Variants in ENOX1 observed in about 807,000 individuals in gnomAD.
ENOX1 encodes ecto-NOX disulfide-thiol exchanger 1.
A neutral mutation model predicts 82.5 loss-of-function variants in ENOX1; 42 were observed. The observed-to-expected ratio is 0.51, with a 90% CI of 0.40 to 0.66. ENOX1 has a LOEUF of 0.66. Ranked by LOEUF, ENOX1 falls within the 30% of genes least tolerant of loss-of-function variation. The pLI is 0.00. For synonymous variants in ENOX1, 271 were observed against 282.2 expected (o/e 0.96, Z 0.40); for missense variants, 608 against 811.6 (o/e 0.75, Z 3.05).
chr13:43,484,572 GCA>G (rs767146308), intron 2 of ENOX1, among the ~76,000 whole-genome samples: 64 of 152,254 alleles, frequency 4.2e-4, no homozygotes, highest in Admixed American at 2.7e-3. Context: ...AGAAAAAAAT[GCA>G]CAGATTGCTG....
At chr13:43,634,525 A>G (rs537112973) in intron 2 of ENOX1, among the ~76,000 whole-genome samples, 1 of 152,332 alleles carries the variant, frequency 6.6e-6, no homozygotes, top group East Asian at 1.9e-4. Context: ...GGAGCTCTGC[A>G]ACAATATATG....
intron 1 of ENOX1, among the ~76,000 whole-genome samples, chr13:43,742,052 A>T (rs1330617730): frequency 6.6e-6 from 1 of 152,220 alleles, no homozygotes; most frequent in African/African-American, 2.4e-5. Flanking sequence ...ACATTTTAAC[A>T]GAATTTCTAT....
chr13:43,452,887 T>A (rs906541364), intron 3 of ENOX1, among the ~76,000 whole-genome samples: 6 of 152,194 alleles, frequency 3.9e-5, no homozygotes, highest in Non-Finnish European at 8.8e-5. Context: ...ATTGCTGGGC[T>A]TTTGTTATTG....
At chr13:43,221,584 C>T (rs1211582502) in intron 16 of ENOX1, among the ~76,000 whole-genome samples, 3 of 152,002 alleles carry the variant, frequency 2.0e-5, no homozygotes, top group South Asian at 2.1e-4. Flanking sequence ...ACAAGAGAAC[C>T]GGGTGAATGA....
chr13:43,655,915 G>C (rs865975760), intron 2 of ENOX1, among the ~76,000 whole-genome samples: 1 of 152,136 alleles, frequency 6.6e-6, no homozygotes, highest in Non-Finnish European at 1.5e-5. Flanking sequence ...CCTGATTCGG[G>C]GATCTTAAGG....
intron 2 of ENOX1, among the ~76,000 whole-genome samples, chr13:43,611,722 T>C (rs1288163420): frequency 6.6e-6 from 1 of 152,248 alleles, no homozygotes; most frequent in Non-Finnish European, 1.5e-5. Context: ...AGTGAAATTA[T>C]ACAACACTTC....
At chr13:43,590,570 C>G (rs749019899) in intron 2 of ENOX1, among the ~76,000 whole-genome samples, 1 of 151,616 alleles carries the variant, frequency 6.6e-6, no homozygotes, top group Admixed American at 6.6e-5. Flanking sequence ...GTCAGGAGAT[C>G]GAGACCATTG....
At chr13:43,664,876 T>C (rs935363908) in intron 2 of ENOX1, among the ~76,000 whole-genome samples, 5 of 152,240 alleles carry the variant, frequency 3.3e-5, no homozygotes, top group Non-Finnish European at 7.3e-5. Context: ...AATGAATTTC[T>C]ACTTTCATTT....
chr13:43,362,156 T>TACAC (rs10531058), intron 5 of ENOX1, among the ~76,000 whole-genome samples: 8,733 of 145,714 alleles, frequency 0.06, 342 homozygotes, highest in African/African-American at 0.12. Context: ...TGCCCTGTAT[T>TACAC]ACACACACAC....
At chr13:43,287,911 C>T (rs1453982927) in intron 12 of ENOX1, among the ~76,000 whole-genome samples, 2 of 152,158 alleles carry the variant, frequency 1.3e-5, no homozygotes, top group Non-Finnish European at 2.9e-5. Flanking sequence ...TGGAGCCAAC[C>T]GTTCCTTCAA....
At chr13:43,697,587 G>C (rs2086703161) in intron 1 of ENOX1, among the ~76,000 whole-genome samples, 1 of 152,142 alleles carries the variant, frequency 6.6e-6, no homozygotes, top group Non-Finnish European at 1.5e-5. Context: ...GCCATATCAG[G>C]ACAGATCACC....
intron 1 of ENOX1, among the ~76,000 whole-genome samples, chr13:43,770,622 T>C (rs568834665): frequency 6.6e-6 from 1 of 152,122 alleles, no homozygotes; most frequent in South Asian, 2.1e-4. Flanking sequence ...AAATGGATTA[T>C]ATAATAGTAC....
At chr13:43,412,815 T>C (rs2054212846) in intron 4 of ENOX1, 30 bp downstream of exon 4, 1 of 1,612,064 alleles carries the variant, frequency 6.2e-7, no homozygotes, top group Admixed American at 1.7e-5. Context: ...AAATCCTTGT[T>C]TGTGTCCTGT....
At chr13:43,296,075 T>C (rs2046270460) in intron 12 of ENOX1, among the ~76,000 whole-genome samples, 1 of 152,176 alleles carries the variant, frequency 6.6e-6, no homozygotes, top group Admixed American at 6.5e-5. Flanking sequence ...CTCCAGGTCT[T>C]TGTCTATTCA....
At chr13:43,476,569 C>G (rs9525789) in intron 3 of ENOX1, among the ~76,000 whole-genome samples, 148,823 of 152,254 alleles carry the variant, frequency 0.98, 72,830 homozygotes, top group East Asian at 1. Context: ...AAGCTAAAGG[C>G]GGGAAATAAC....
intron 1 of ENOX1, among the ~76,000 whole-genome samples, chr13:43,748,262 TC>T (rs1015177634): frequency 3.9e-5 from 6 of 152,166 alleles, no homozygotes; most frequent in Non-Finnish European, 7.3e-5. Context: ...ACCAAAGATG[TC>T]CCTAGCACTA....
chr13:43,620,920 G>A (rs2082699529), intron 2 of ENOX1, among the ~76,000 whole-genome samples: 1 of 152,090 alleles, frequency 6.6e-6, no homozygotes, highest in Admixed American at 6.5e-5. Context: ...TTATAAACTT[G>A]GGAGCTCCAG....
rs1332579032 is a variant in ENOX1 at position 43,786,743 on chromosome 13, C to T, written c.-376G>A. The T allele has an allele frequency of 6.6e-6, 1 of 152,164 alleles. No homozygotes were observed. Among genetic ancestry groups the T allele is most frequent in the Non-Finnish European group, 1.5e-5 (1 of 68,076 alleles). The allele number at this position is 152,164 out of a possible 1,614,324, so 9.4% of individuals were successfully genotyped here. A position where few individuals can be genotyped will look rare whatever the true frequency, so the allele number is the denominator to read the frequency against. On this transcript the variant is annotated 5_prime_UTR_variant, in exon 1 of 17. Coordinates refer to ENST00000690772, the MANE Select transcript of ENOX1 (RefSeq NM_001347969.2). This position sits in a 1 kb window ranked among gnomAD's most constrained non-coding sequence, Gnocchi z 6.0. Reference sequence around the variant, plus strand: ...CTCCTCCTAGCCTCGGCGTCCTCCTCCTCCTTTGCTTCTCCCGGACTCTGT... The same window carrying T: ...CTCCTCCTAGCCTCGGCGTCCTCCTTCTCCTTTGCTTCTCCCGGACTCTGT...
At chr13:43,694,235 A>G (rs1445389899) in intron 1 of ENOX1, among the ~76,000 whole-genome samples, 2 of 152,158 alleles carry the variant, frequency 1.3e-5, no homozygotes, top group Admixed American at 6.5e-5. Context: ...GGGAAAAAAA[A>G]AAAAACAGAG....
Sources: allele counts gnomAD v4.1 joint callset (sites outside exome capture counted in the v4.1 genomes callset), GRCh38; gene constraint gnomAD v4.1.1; non-coding constraint Gnocchi (gnomAD v3.1); transcripts MANE v1.5; gene names NCBI Gene and HGNC (gene_info 2026-07-23, HGNC 2026-07-21).